Variants in UFD1 observed in about 807,000 individuals in gnomAD.
UFD1 encodes ubiquitin recognition factor in ER-associated degradation protein 1.
In UFD1, 13 loss-of-function variants were observed where a neutral mutation model predicts 45.9. The observed-to-expected ratio is 0.28, with a 90% CI of 0.18 to 0.45. The LOEUF (loss-of-function observed/expected upper bound fraction) is 0.45. Among genes scored for constraint, UFD1 ranks in the 20% least tolerant of loss-of-function variants. The pLI is 1.00. For synonymous variants in UFD1, 128 were observed against 139.2 expected (o/e 0.92, Z 0.56); for missense variants, 218 against 389.2 (o/e 0.56, Z 3.70).
In UFD1 at chr22:19,479,013, T is replaced by TGCCCC. The variant is rs1326587584; in HGVS notation, c.3+65_3+69dup. On this transcript the variant is annotated intron_variant, in intron 1 of 11. Coordinates refer to ENST00000263202, the MANE Select transcript of UFD1 (RefSeq NM_005659.7). ...CCTCCGCCGCCGTCCCGCCCCGCCC[T>TGCCCC]GCCCCGCCGGGCCCTACCTCAGGCC... The TGCCCC allele has an allele frequency of 4.6e-6, 3 of 659,218 alleles. No individual in the cohort carries two copies. In the African/African-American group the frequency reaches 6.3e-5, roughly 14 times the overall value. The allele number at this position is 659,218 out of a possible 1,614,324, so 40.8% of individuals were successfully genotyped here. A position where few individuals can be genotyped will look rare whatever the true frequency, so the allele number is the denominator to read the frequency against.
chr22:19,458,212 T>G (rs992918507), intron 6 of UFD1, 73 bp from the exon 7 acceptor site: 1 of 1,494,850 alleles, frequency 6.7e-7, no homozygotes, highest in African/African-American at 1.4e-5. Flanking sequence ...CATGTTACTG[T>G]GGCTCTACTG....
At chr22:19,473,510 C>T (rs1038096787) in intron 3 of UFD1, among the ~76,000 whole-genome samples, 1 of 152,198 alleles carries the variant, frequency 6.6e-6, no homozygotes, top group African/African-American at 2.4e-5. Context: ...TGTCTGGCTC[C>T]TGGGTCAGCA....
intron 3 of UFD1, among the ~76,000 whole-genome samples, chr22:19,472,442 C>T (rs1416552007): frequency 6.6e-6 from 1 of 152,192 alleles, no homozygotes; most frequent in Non-Finnish European, 1.5e-5. Flanking sequence ...GCCCAGCGGG[C>T]AGTGTGAGCT....
intron 7 of UFD1, among the ~76,000 whole-genome samples, chr22:19,457,556 T>A (rs1358391217): frequency 6.6e-6 from 1 of 152,166 alleles, no homozygotes; most frequent in African/African-American, 2.4e-5. Context: ...CCCACACCTG[T>A]AATCTCAGCA....
At position 19,479,140 on chromosome 22, in the gene UFD1, C is replaced by T; in HGVS notation, c.-55G>A. ...TCTCAGGCAATGCAACGAAGAAACC[C>T]CGCCGACCGCTCTCCCAGCCGCCGC... On this transcript the variant is annotated 5_prime_UTR_variant, in exon 1 of 12. Transcript: ENST00000263202. The T allele has an allele frequency of 6.2e-7, 1 of 1,600,262 alleles. No individual in the cohort carries two copies. The highest frequency in any genetic ancestry group is 1.7e-5 in the Admixed American group (1 of 58,176).
chr22:19,450,191 C>T lies in UFD1; in HGVS notation c.*479G>A, dbSNP rs899714997. The T allele has an allele frequency of 6.6e-6, 1 of 152,540 alleles. No homozygotes were observed. Among genetic ancestry groups the T allele is most frequent in the Admixed American group, 6.5e-5 (1 of 15,320 alleles). 9.4% of individuals were successfully genotyped at this position (152,540 alleles called of 1,614,324 possible). A position where few individuals can be genotyped will look rare whatever the true frequency, so the allele number is the denominator to read the frequency against. ...TTGTCAAATACTTAAATTGCAGCCACAGTAGTGGGACAGCCACTACTTATA... is the reference window on the plus strand; with the variant it reads ...TTGTCAAATACTTAAATTGCAGCCATAGTAGTGGGACAGCCACTACTTATA... On this transcript the variant is annotated 3_prime_UTR_variant, in exon 12 of 12. Transcript: ENST00000263202.
chr22:19,459,101 G>T (rs1039401737), intron 6 of UFD1, among the ~76,000 whole-genome samples: 1 of 152,202 alleles, frequency 6.6e-6, no homozygotes, highest in Non-Finnish European at 1.5e-5. Flanking sequence ...TACTGAATGT[G>T]TATCATGTTT....
At chr22:19,461,339 G>GC (rs1205890509) in intron 6 of UFD1, among the ~76,000 whole-genome samples, 4 of 152,076 alleles carry the variant, frequency 2.6e-5, no homozygotes, top group Non-Finnish European at 4.4e-5. Context: ...CCCAGATTCC[G>GC]CAACCCCAGT....
intron 3 of UFD1, among the ~76,000 whole-genome samples, chr22:19,473,913 C>T (rs534324601): frequency 6.6e-6 from 1 of 152,288 alleles, no homozygotes; most frequent in South Asian, 2.1e-4. Flanking sequence ...AACCTGTCCT[C>T]CTGGCCAACC....
intron 3 of UFD1, among the ~76,000 whole-genome samples, chr22:19,473,638 C>A (rs2089861403): frequency 6.6e-6 from 1 of 152,234 alleles, no homozygotes; most frequent in Admixed American, 6.5e-5. Flanking sequence ...GAGGCCTCCA[C>A]TGGGTATAGC....
Position 19,450,382 on chromosome 22 carries a change from C to T in UFD1, c.*288G>A. The stretch of plus-strand genomic sequence containing the variant: ...AATTAGGGATGCAGAATTGCTCCTG[C>T]TGAGGCAGTGGGAGCTCCCCTCAAG... On this transcript the variant is annotated 3_prime_UTR_variant, in exon 12 of 12. Transcript: ENST00000263202. 2.7e-6 allele frequency: 1 copy of T among 373,428 alleles called. No homozygotes were observed. Among genetic ancestry groups the T allele is most frequent in the Admixed American group, 4.0e-5 (1 of 25,140 alleles). The allele number at this position is 373,428 out of a possible 1,614,324, so 23.1% of individuals were successfully genotyped here. A position where few individuals can be genotyped will look rare whatever the true frequency, so the allele number is the denominator to read the frequency against.
At position 19,456,642 on chromosome 22, in the gene UFD1, G is replaced by A. The variant is rs1295413143; in HGVS notation, c.631-8C>T. 1 of 1,614,124 alleles carries A rather than the reference G, an allele frequency of 6.2e-7. No individual in the cohort carries two copies. Among genetic ancestry groups the A allele is most frequent in the Non-Finnish European group, 8.5e-7 (1 of 1,180,028 alleles). On this transcript the variant is annotated splice_region_variant and splice_polypyrimidine_tract_variant and intron_variant, in intron 8 of 11. Coordinates refer to ENST00000263202, the MANE Select transcript of UFD1 (RefSeq NM_005659.7). ...GTGGTCGGCTTCACCTTCCTGACAG[G>A]GAAAAAGAAAAACAGGTGAGCTCCT...
At chr22:19,454,026 C>T in intron 11 of UFD1, 2 of 985,674 alleles carry the variant, frequency 2.0e-6, no homozygotes, top group Non-Finnish European at 2.4e-6. Flanking sequence ...GGATGCTCAG[C>T]CCTTGCCTTC....
At chr22:19,454,575 G>T in intron 11 of UFD1, 174 bp downstream of exon 11, 1 of 1,372,628 alleles carries the variant, frequency 7.3e-7, no homozygotes, top group Non-Finnish European at 9.7e-7. Context: ...CATGTGAACT[G>T]TAAGTCCATT....
intron 11 of UFD1, chr22:19,454,438 T>C: frequency 1.4e-6 from 1 of 699,172 alleles, no homozygotes; most frequent in Non-Finnish European, 1.9e-6. Context: ...ATCATGATAG[T>C]GAATAAGTCT....
intron 10 of UFD1, 108 bp downstream of exon 10, chr22:19,455,572 A>C: frequency 1.0e-6 from 1 of 997,502 alleles, no homozygotes; most frequent in South Asian, 1.5e-5. Flanking sequence ...GTCCCTTGGG[A>C]GACTACTGAC....
At chr22:19,476,858 T>C (rs998343457) in intron 1 of UFD1, among the ~76,000 whole-genome samples, 1 of 151,394 alleles carries the variant, frequency 6.6e-6, no homozygotes, top group African/African-American at 2.4e-5. Flanking sequence ...AATACAAAAA[T>C]TAGCCGGGCG....
intron 6 of UFD1, among the ~76,000 whole-genome samples, chr22:19,464,955 G>A (rs560071118): frequency 6.6e-6 from 1 of 152,320 alleles, no homozygotes; most frequent in East Asian, 1.9e-4. Flanking sequence ...TGCCACCAAG[G>A]TACACAGAGG....
intron 10 of UFD1, 39 bp downstream of exon 10, chr22:19,455,641 T>C: frequency 6.3e-7 from 1 of 1,595,428 alleles, no homozygotes; most frequent in Non-Finnish European, 8.6e-7. Flanking sequence ...CTGGCACAGA[T>C]CCTCCTCCTG....
Sources: allele counts gnomAD v4.1 joint callset (sites outside exome capture counted in the v4.1 genomes callset), GRCh38; gene constraint gnomAD v4.1.1; transcripts MANE v1.5; gene names NCBI Gene and HGNC (gene_info 2026-07-23, HGNC 2026-07-21).